Variants in BBS9 observed in about 807,000 individuals in gnomAD.
BBS9 encodes Bardet-Biedl syndrome 9.
Under a neutral mutation model 117.7 loss-of-function variants are expected in BBS9, and 89 were observed. The observed-to-expected ratio is 0.76, with a 90% CI of 0.64 to 0.90. The LOEUF (loss-of-function observed/expected upper bound fraction) is 0.90, where lower values mean the gene tolerates loss of function less well. Among genes scored for constraint, BBS9 ranks in the 40% least tolerant of loss-of-function variants. The probability of loss-of-function intolerance (pLI) is 0.00; values close to 1 mark genes in which losing one functional copy is unlikely to be tolerated. For missense variants in BBS9, 982 were observed against 1,042.2 expected (o/e 0.94, Z 0.80); for synonymous variants, 379 against 370.9 (o/e 1.02, Z -0.25).
intron 5 of BBS9, among the ~76,000 whole-genome samples, chr7:33,254,749 G>A (rs1346092216): frequency 1.3e-5 from 2 of 152,164 alleles, no homozygotes; most frequent in Admixed American, 1.3e-4. Flanking sequence ...GTATGAGTGA[G>A]ATCATGTAGT....
chr7:33,378,898 T>C (rs935624658), intron 17 of BBS9, among the ~76,000 whole-genome samples: 2 of 152,212 alleles, frequency 1.3e-5, no homozygotes, highest in Admixed American at 1.3e-4. Flanking sequence ...TTGGGCATGC[T>C]ATTGGTGTTC....
chr7:33,528,143 A>G (rs1849946221), intron 20 of BBS9, among the ~76,000 whole-genome samples: 1 of 152,188 alleles, frequency 6.6e-6, no homozygotes, highest in South Asian at 2.1e-4. Flanking sequence ...CTTTACATCT[A>G]TTGAAGAGGA....
chr7:33,486,938 G>T (rs564285134), intron 19 of BBS9, among the ~76,000 whole-genome samples: 2 of 152,296 alleles, frequency 1.3e-5, no homozygotes, highest in East Asian at 3.9e-4. Context: ...AGCACAAGTT[G>T]AATTTGTGAT....
chr7:33,526,339 A>C (rs1849494854), intron 20 of BBS9, among the ~76,000 whole-genome samples: 1 of 152,170 alleles, frequency 6.6e-6, no homozygotes, highest in Non-Finnish European at 1.5e-5. Context: ...TATCCTGTAG[A>C]GTGTTTTCCA....
intron 21 of BBS9, among the ~76,000 whole-genome samples, chr7:33,589,294 C>T (rs1008366054): frequency 3.9e-5 from 6 of 152,094 alleles, no homozygotes; most frequent in Admixed American, 1.3e-4. Context: ...GGATGAGTTA[C>T]GTCCCATGCA....
intron 21 of BBS9, among the ~76,000 whole-genome samples, chr7:33,564,082 A>T (rs1020715857): frequency 1.6e-4 from 25 of 152,318 alleles, no homozygotes; most frequent in African/African-American, 5.8e-4. Context: ...TGCTTTAAAG[A>T]TGAAGATTGT....
At chr7:33,347,316 A>C (rs1189564779) in intron 12 of BBS9, among the ~76,000 whole-genome samples, 4 of 152,168 alleles carry the variant, frequency 2.6e-5, no homozygotes, top group African/African-American at 9.6e-5. Context: ...TTATTATAAT[A>C]GTAGAATATT....
At chr7:33,189,710 AC>A (rs1269193354) in intron 5 of BBS9, among the ~76,000 whole-genome samples, 1 of 150,472 alleles carries the variant, frequency 6.6e-6, no homozygotes, top group African/African-American at 2.4e-5. Flanking sequence ...ACATGGTGAA[AC>A]CCCGCCTCTA....
chr7:33,318,201 A>T (rs144751176), intron 9 of BBS9, among the ~76,000 whole-genome samples: 346 of 152,338 alleles, frequency 2.3e-3, no homozygotes, highest in African/African-American at 8.2e-3. Context: ...GAATAATTTA[A>T]CCTTTTGTGA....
intron 10 of BBS9, among the ~76,000 whole-genome samples, chr7:33,339,171 G>C (rs1816004159): frequency 6.6e-6 from 1 of 152,132 alleles, no homozygotes; most frequent in African/African-American, 2.4e-5. Flanking sequence ...ACAGTCATCA[G>C]AGACTCTTGA....
intron 17 of BBS9, among the ~76,000 whole-genome samples, chr7:33,378,203 T>G (rs1174866126): frequency 6.6e-6 from 1 of 152,200 alleles, no homozygotes; most frequent in Non-Finnish European, 1.5e-5. Context: ...AGTATTTTCA[T>G]AGGTCTGTTT....
downstream of BBS9, among the ~76,000 whole-genome samples, chr7:33,607,527 A>G (rs1864644621): frequency 6.6e-6 from 1 of 152,108 alleles, no homozygotes; most frequent in African/African-American, 2.4e-5. Context: ...CACATTTGTA[A>G]AAAGCTGATA....
chr7:33,227,323 T>G (rs2128248996), intron 5 of BBS9, among the ~76,000 whole-genome samples: 1 of 152,196 alleles, frequency 6.6e-6, no homozygotes, highest in East Asian at 1.9e-4. Flanking sequence ...AATTTTTGTA[T>G]TTTTAGTAGA....
At chr7:33,598,935 T>TTAG (rs1863366763) in intron 21 of BBS9, among the ~76,000 whole-genome samples, 1 of 152,196 alleles carries the variant, frequency 6.6e-6, no homozygotes, top group African/African-American at 2.4e-5. Context: ...AACACCTGTT[T>TTAG]TAGTAAATAA....
chr7:33,216,867 G>A (rs994754394), intron 5 of BBS9, among the ~76,000 whole-genome samples: 2 of 152,128 alleles, frequency 1.3e-5, no homozygotes, highest in East Asian at 1.9e-4. Flanking sequence ...AGGCCGAGGC[G>A]GGTGGATCAC....
chr7:33,633,763 A>G (rs985384948), intron 21 of BBS9, among the ~76,000 whole-genome samples: 8 of 152,012 alleles, frequency 5.3e-5, no homozygotes, highest in African/African-American at 1.9e-4. Flanking sequence ...TGTTCCTGTA[A>G]TTATCTTGGG....
At chr7:33,364,693 C>G (rs1821328770) in intron 16 of BBS9, among the ~76,000 whole-genome samples, 1 of 113,916 alleles carries the variant, frequency 8.8e-6, no homozygotes, top group African/African-American at 3.4e-5. Context: ...CCCCCTCCCC[C>G]TCCGCCCTTT....
intron 4 of BBS9, among the ~76,000 whole-genome samples, chr7:33,168,018 A>G (rs1422338435): frequency 6.6e-6 from 1 of 152,246 alleles, no homozygotes; most frequent in Non-Finnish European, 1.5e-5. Context: ...TAGAAATCCC[A>G]TACAATTTTG....
intron 19 of BBS9, among the ~76,000 whole-genome samples, chr7:33,449,083 T>C (rs1837402770): frequency 6.6e-6 from 1 of 152,120 alleles, no homozygotes; most frequent in Non-Finnish European, 1.5e-5. Flanking sequence ...TCAATAAATA[T>C]TGAGATGAAC....
Sources: allele counts gnomAD v4.1 joint callset (sites outside exome capture counted in the v4.1 genomes callset), GRCh38; gene constraint gnomAD v4.1.1; transcripts MANE v1.5; gene names NCBI Gene and HGNC (gene_info 2026-07-23, HGNC 2026-07-21).